The following RHBDL2 variants were observed in gnomAD, a reference collection of about 807,000 sequenced individuals.
RHBDL2 encodes the protein rhomboid-related protein 2.
RHBDL2 carries 26 observed loss-of-function variants against 31.7 expected under a neutral mutation model. That is an observed-to-expected ratio of 0.82 (90% confidence interval 0.60 to 1.14). The LOEUF (loss-of-function observed/expected upper bound fraction) is 1.14. Ranked by LOEUF, RHBDL2 falls within the 50% of genes most tolerant of loss-of-function variation. RHBDL2 has a pLI of 0.00. For missense variants in RHBDL2, 336 were observed against 364.4 expected (o/e 0.92, Z 0.63); for synonymous variants, 123 against 127.2 (o/e 0.97, Z 0.22).
chr1:38,890,385 G>C (rs1196317388), intron 6 of RHBDL2, among the ~76,000 whole-genome samples: 1 of 152,132 alleles, frequency 6.6e-6, no homozygotes, highest in Non-Finnish European at 1.5e-5. Context: ...GTCTAGGAAA[G>C]TGTTTTTAAA....
intron 6 of RHBDL2, among the ~76,000 whole-genome samples, chr1:38,888,614 A>T (rs1570909805): frequency 6.6e-6 from 1 of 152,160 alleles, no homozygotes; most frequent in East Asian, 1.9e-4. Context: ...CTAAGCAGGA[A>T]TGTGCCTGGT....
intron 4 of RHBDL2, among the ~76,000 whole-genome samples, chr1:38,901,079 A>G (rs944288362): frequency 2.0e-5 from 3 of 151,776 alleles, no homozygotes; most frequent in Non-Finnish European, 4.4e-5. Context: ...AAATAAATAA[A>G]TAAAATTTTA....
chr1:38,919,821 G>T (rs540286845), intron 1 of RHBDL2, among the ~76,000 whole-genome samples: 3 of 151,964 alleles, frequency 2.0e-5, no homozygotes, highest in African/African-American at 7.2e-5. Flanking sequence ...TGATTCACCC[G>T]CCTAGGCCTC....
intron 3 of RHBDL2, among the ~76,000 whole-genome samples, chr1:38,914,998 T>C (rs1643212560): frequency 6.8e-6 from 1 of 148,142 alleles, no homozygotes; most frequent in South Asian, 2.2e-4. Context: ...CACTGCACTC[T>C]AGCCTGGTGA....
chr1:38,928,758 A>T (rs945482758), intron 1 of RHBDL2, among the ~76,000 whole-genome samples: 8 of 152,152 alleles, frequency 5.3e-5, no homozygotes, highest in East Asian at 2.0e-4. Flanking sequence ...GTAAAAAAAA[A>T]ATTTTAAATA....
intron 1 of RHBDL2, among the ~76,000 whole-genome samples, chr1:38,936,091 C>T (rs894200284): frequency 1.3e-5 from 2 of 151,880 alleles, no homozygotes; most frequent in African/African-American, 2.4e-5. Context: ...CTTGTAGAGA[C>T]GAGGTCTTGT....
intron 1 of RHBDL2, among the ~76,000 whole-genome samples, chr1:38,934,422 C>T (rs1477797067): frequency 2.0e-5 from 3 of 151,426 alleles, no homozygotes; most frequent in East Asian, 1.9e-4. Context: ...TTTGGGAGGA[C>T]GAAGCCAGAA....
At chr1:38,925,711 C>G (rs919067855) in intron 1 of RHBDL2, among the ~76,000 whole-genome samples, 2 of 152,130 alleles carry the variant, frequency 1.3e-5, no homozygotes, top group African/African-American at 4.8e-5. Flanking sequence ...AAGTTACTGT[C>G]TTATACCTCC....
chr1:38,937,884 T>A (rs981354777), intron 1 of RHBDL2, among the ~76,000 whole-genome samples: 1 of 152,092 alleles, frequency 6.6e-6, no homozygotes, highest in Non-Finnish European at 1.5e-5. Flanking sequence ...CATGCTGAAG[T>A]CTTAAAAAGG....
chr1:38,909,674 G>A (rs1643115149), intron 4 of RHBDL2, among the ~76,000 whole-genome samples: 1 of 152,036 alleles, frequency 6.6e-6, no homozygotes, highest in Admixed American at 6.6e-5. Flanking sequence ...CCTGGGAAAC[G>A]GAGGTTGCAG....
intron 7 of RHBDL2, 54 bp downstream of exon 7, chr1:38,887,909 C>G (rs529689181): frequency 5.4e-6 from 7 of 1,306,832 alleles, no homozygotes; most frequent in African/African-American, 1.5e-5. Flanking sequence ...ATTTGATAAC[C>G]CTTTTTGACA....
intron 3 of RHBDL2, among the ~76,000 whole-genome samples, chr1:38,913,208 C>T (rs1297219670): frequency 6.6e-6 from 1 of 151,884 alleles, no homozygotes; most frequent in East Asian, 1.9e-4. Context: ...GTCTCAAACT[C>T]CTGACCTCAG....
At chr1:38,925,623 T>C (rs1217141125) in intron 1 of RHBDL2, among the ~76,000 whole-genome samples, 1 of 152,166 alleles carries the variant, frequency 6.6e-6, no homozygotes, top group East Asian at 1.9e-4. Context: ...GATCTAATGA[T>C]ATCAGGGATC....
intron 1 of RHBDL2, chr1:38,929,395 C>T (rs1643415127): frequency 7.8e-7 from 1 of 1,289,310 alleles, no homozygotes; most frequent in Non-Finnish European, 1.0e-6. Context: ...TCAGGCTCAC[C>T]TTCCCTTCTT....
chr1:38,939,072 G>A lies in RHBDL2; in HGVS notation c.-126+2610C>T, dbSNP rs571092515. ...ATCCCTGCCCTCTTGAAACTTTGTAGTCTCAGGGGATAAACAGAGCACTTG... is the reference window on the plus strand; with the variant it reads ...ATCCCTGCCCTCTTGAAACTTTGTAATCTCAGGGGATAAACAGAGCACTTG... On this transcript the variant is annotated intron_variant, in intron 1 of 7. Transcript: ENST00000372990. Among the ~76,000 whole-genome samples, 3 of 152,298 alleles carry A rather than the reference G, an allele frequency of 2.0e-5. No homozygotes were observed. The South Asian group carries it at 6.2e-4, about 32-fold the overall frequency.
intron 4 of RHBDL2, among the ~76,000 whole-genome samples, chr1:38,907,926 AC>A (rs1361880055): frequency 6.6e-6 from 1 of 152,166 alleles, no homozygotes; most frequent in East Asian, 1.9e-4. Context: ...TCTCTGAAAG[AC>A]CTTGGTAAGA....
chr1:38,911,180 C>A lies in RHBDL2; in HGVS notation c.508+142G>T, dbSNP rs189543494. ...GATAGTATCTCTAATTCAATGATCT[C>A]TAAGGCTTAATGTGTTCCCGAGCAC... is the stretch of plus-strand genomic sequence containing the variant. On this transcript the variant is annotated intron_variant, in intron 4 of 7. Transcript: ENST00000372990. 5 of 565,168 alleles carry A rather than the reference C, an allele frequency of 8.8e-6. 1 individual carries two copies. The highest frequency in any genetic ancestry group is 5.6e-5 in the African/African-American group (3 of 53,650). 35.0% of individuals were successfully genotyped at this position (565,168 alleles called of 1,614,324 possible). A position where few individuals can be genotyped will look rare whatever the true frequency, so the allele number is the denominator to read the frequency against.
intron 4 of RHBDL2, among the ~76,000 whole-genome samples, chr1:38,903,611 TG>T (rs1643023325): frequency 6.6e-6 from 1 of 152,206 alleles, no homozygotes. Context: ...TTGTTCAACA[TG>T]GGTTGGAAGA....
intron 1 of RHBDL2, among the ~76,000 whole-genome samples, chr1:38,933,121 C>T (rs1030522072): frequency 6.6e-6 from 1 of 152,158 alleles, no homozygotes; most frequent in Non-Finnish European, 1.5e-5. Flanking sequence ...CTAGCTCCTA[C>T]CTTCTTTGTG....
Sources: allele counts gnomAD v4.1 joint callset (sites outside exome capture counted in the v4.1 genomes callset), GRCh38; gene constraint gnomAD v4.1.1; transcripts MANE v1.5; gene names NCBI Gene and HGNC (gene_info 2026-07-23, HGNC 2026-07-21).